FARS2: variants seen among roughly 807,000 people sequenced by gnomAD.
FARS2 encodes phenylalanine--tRNA ligase, mitochondrial.
A neutral mutation model predicts 46.4 loss-of-function variants in FARS2; 40 were observed. That is an observed-to-expected ratio of 0.86 (90% confidence interval 0.67 to 1.12). The LOEUF (loss-of-function observed/expected upper bound fraction) is 1.12. Among genes scored for constraint, FARS2 ranks in the 50% most tolerant of loss-of-function variants. The probability of loss-of-function intolerance (pLI) is 0.00; values close to 1 mark genes in which losing one functional copy is unlikely to be tolerated. For synonymous variants in FARS2, 234 were observed against 214.9 expected, an observed-to-expected ratio of 1.09 and a Z score of -0.78; for missense variants, 513 against 567.9, an observed-to-expected ratio of 0.90 and a Z score of 0.98.
At chr6:5,426,516 T>TG (rs1762861763) in intron 3 of FARS2, among the ~76,000 whole-genome samples, 1 of 152,218 alleles carries the variant, frequency 6.6e-6, no homozygotes, top group African/African-American at 2.4e-5. Context: ...GATCATAGAT[T>TG]GAAAAACAAG....
chr6:5,721,945 G>T (rs541363404), intron 6 of FARS2, among the ~76,000 whole-genome samples: 1 of 152,218 alleles, frequency 6.6e-6, no homozygotes, highest in Non-Finnish European at 1.5e-5. Flanking sequence ...GGTTCTCTGT[G>T]TGTGTTTCCC....
At position 5,394,799 on chromosome 6, in the gene FARS2, TTAAA is replaced by T. The variant is rs1324403541; in HGVS notation, c.613-9739_613-9736del. On this transcript the variant is annotated intron_variant, in intron 2 of 6. Coordinates refer to ENST00000274680, the MANE Select transcript of FARS2 (RefSeq NM_006567.5). The stretch of plus-strand genomic sequence containing the variant: ...TTTAAAAAAAAAGCATTTGGTGTCC[TTAAA>T]TAACTGCAATATAAAAAGATTTTTT... 7.9e-5 allele frequency among the ~76,000 whole-genome samples: 12 copies of T among 152,278 alleles called. No individual in the cohort carries two copies. The Middle Eastern group carries it at 0.01, about 129-fold the overall frequency.
intron 6 of FARS2, among the ~76,000 whole-genome samples, chr6:5,626,945 G>T (rs1240146481): frequency 6.6e-6 from 1 of 152,212 alleles, no homozygotes; most frequent in Non-Finnish European, 1.5e-5. Flanking sequence ...TGCACAGCAT[G>T]TTACTGTATT....
intron 1 of FARS2, among the ~76,000 whole-genome samples, chr6:5,305,067 T>C (rs890553013): frequency 6.6e-6 from 1 of 152,164 alleles, no homozygotes; most frequent in African/African-American, 2.4e-5. Flanking sequence ...TCACCTCACC[T>C]GGTGAGGACA....
At chr6:5,565,568 A>G (rs561535048) in intron 5 of FARS2, among the ~76,000 whole-genome samples, 1 of 152,356 alleles carries the variant, frequency 6.6e-6, no homozygotes, top group East Asian at 1.9e-4. Context: ...CATGGTTTAC[A>G]GTAACTTTAC....
chr6:5,609,784 T>A, intron 5 of FARS2: 1 of 1,404,968 alleles, frequency 7.1e-7, no homozygotes, highest in Non-Finnish European at 9.9e-7. Context: ...CAGTCATGAT[T>A]TCAGTCACTT....
At chr6:5,425,921 C>T (rs1762822907) in intron 3 of FARS2, among the ~76,000 whole-genome samples, 2 of 152,164 alleles carry the variant, frequency 1.3e-5, no homozygotes, top group Non-Finnish European at 2.9e-5. Context: ...AATCATTATC[C>T]ACGGTGTAGA....
At chr6:5,533,631 G>A (rs1252097712) in intron 4 of FARS2, among the ~76,000 whole-genome samples, 2 of 152,222 alleles carry the variant, frequency 1.3e-5, no homozygotes, top group African/African-American at 4.8e-5. Flanking sequence ...TAAATGAAAA[G>A]GCTGTAGCGT....
At chr6:5,352,333 A>T (rs1757629315) in intron 1 of FARS2, among the ~76,000 whole-genome samples, 1 of 151,568 alleles carries the variant, frequency 6.6e-6, no homozygotes, top group African/African-American at 2.4e-5. Flanking sequence ...AAAAAAAAAA[A>T]GCTTCCCAAC....
At chr6:5,567,956 C>T (rs1772416902) in intron 5 of FARS2, among the ~76,000 whole-genome samples, 1 of 152,250 alleles carries the variant, frequency 6.6e-6, no homozygotes, top group Admixed American at 6.5e-5. Context: ...CCTATCTCCT[C>T]TTCTGTGTAC....
At chr6:5,292,914 G>A (rs190127232) in intron 1 of FARS2, among the ~76,000 whole-genome samples, 1 of 152,322 alleles carries the variant, frequency 6.6e-6, no homozygotes, top group Non-Finnish European at 1.5e-5. Flanking sequence ...GAGCGTTCAT[G>A]GAGGTGGGAA....
intron 4 of FARS2, among the ~76,000 whole-genome samples, chr6:5,439,788 G>A (rs1488909964): frequency 5.3e-5 from 8 of 152,202 alleles, no homozygotes; most frequent in Admixed American, 4.6e-4. Context: ...AGTTAGTTGA[G>A]ATTGTCTAAG....
rs535231836 is a variant in FARS2 at position 5,453,443 on chromosome 6, G to A, written c.904+22271G>A. On this transcript the variant is annotated intron_variant, in intron 4 of 6. Coordinates refer to ENST00000274680, the MANE Select transcript of FARS2 (RefSeq NM_006567.5). ...AAAAACGTGCTCATCCTTTTTCAGA[G>A]AAAGCACAATATTCTTGACCGAGAA... Among the ~76,000 whole-genome samples the A allele has an allele frequency of 2.8e-4, 42 of 152,232 alleles. 1 individual carries two copies. In the South Asian group the frequency reaches 8.5e-3, roughly 31 times the overall value.
At position 5,709,875 on chromosome 6, in the gene FARS2, G is replaced by A. The variant is rs565793271; in HGVS notation, c.1218-61416G>A. Among the ~76,000 whole-genome samples the A allele has an allele frequency of 9.7e-4, 148 of 152,310 alleles. 1 individual carries two copies. Among genetic ancestry groups the A allele is most frequent in the African/African-American group, 2.8e-3 (117 of 41,566 alleles). ...CCTTGTTAGCCAAGTGGGTTTTCAA[G>A]CTCTTGGTGAGTGCTCATATTAACC... On this transcript the variant is annotated intron_variant, in intron 6 of 6. Transcript: ENST00000274680.
intron 6 of FARS2, among the ~76,000 whole-genome samples, chr6:5,618,826 G>C (rs1016141455): frequency 1.3e-5 from 2 of 152,180 alleles, no homozygotes; most frequent in African/African-American, 2.4e-5. Context: ...TAGGGAAGGG[G>C]ACCAGGTTGC....
chr6:5,771,291 G>C lies in FARS2; in HGVS notation c.1218G>C (p.Lys406Asn). 1 of 1,614,092 alleles carries C rather than the reference G, an allele frequency of 6.2e-7. No individual in the cohort carries two copies. Among genetic ancestry groups the C allele is most frequent in the South Asian group, 1.1e-5 (1 of 91,068 alleles). ...VDLIDKFVHP[K>N]THKTSHCYRI... ...ACCTGTGTTCTCTTCCTCTCTGTAGGACGCACAAGACCAGCCACTGCTACC... is the reference window on the plus strand; with the variant it reads ...ACCTGTGTTCTCTTCCTCTCTGTAGCACGCACAAGACCAGCCACTGCTACC... The change falls in exon 7 of 7, where the codon AAG becomes AAC. Residue 406 changes from lysine (K) to asparagine (N), a missense_variant and splice_region_variant. Coordinates refer to ENST00000274680, the MANE Select transcript of FARS2 (RefSeq NM_006567.5).
At chr6:5,264,243 T>A (rs1401137268) in intron 1 of FARS2, among the ~76,000 whole-genome samples, 1 of 152,074 alleles carries the variant, frequency 6.6e-6, no homozygotes, top group African/African-American at 2.4e-5. Flanking sequence ...TGAGACCCTG[T>A]CTACCAAAAA....
intron 1 of FARS2, among the ~76,000 whole-genome samples, chr6:5,270,533 T>TA (rs1765871405): frequency 6.6e-6 from 1 of 152,228 alleles, no homozygotes; most frequent in African/African-American, 2.4e-5. Flanking sequence ...TGTGTCAAGT[T>TA]ACAGTGTTTG....
chr6:5,498,184 A>T (rs1012895020), intron 4 of FARS2, among the ~76,000 whole-genome samples: 2 of 152,012 alleles, frequency 1.3e-5, no homozygotes, highest in African/African-American at 2.4e-5. Flanking sequence ...AATGATTAAA[A>T]TTTTTTTTCA....
Sources: allele counts gnomAD v4.1 joint callset (sites outside exome capture counted in the v4.1 genomes callset), GRCh38; gene constraint gnomAD v4.1.1; transcripts MANE v1.5; gene names NCBI Gene and HGNC (gene_info 2026-07-23, HGNC 2026-07-21).